Variants in FER observed in about 807,000 individuals in gnomAD.
The protein encoded by FER is tyrosine-protein kinase Fer.
In FER, 63 loss-of-function variants were observed where a neutral mutation model predicts 111.0. That is an observed-to-expected ratio of 0.57 (90% CI 0.46 to 0.70). The LOEUF (loss-of-function observed/expected upper bound fraction) is 0.70. Among genes scored for constraint, FER ranks in the 30% least tolerant of loss-of-function variants. The probability of loss-of-function intolerance (pLI) is 0.00; values close to 1 mark genes in which losing one functional copy is unlikely to be tolerated. For missense variants in FER, 914 were observed against 954.0 expected, an observed-to-expected ratio of 0.96 and a Z score of 0.55; for synonymous variants, 327 against 313.9, an observed-to-expected ratio of 1.04 and a Z score of -0.44.
chr5:108,898,226 T>G (rs752635863), intron 10 of FER, among the ~76,000 whole-genome samples: 19 of 152,196 alleles, frequency 1.2e-4, no homozygotes, highest in Non-Finnish European at 2.4e-4. Context: ...TATCTGAGAT[T>G]GCTGGTGTAT....
At chr5:108,826,206 C>T (rs1336384248) in intron 3 of FER, among the ~76,000 whole-genome samples, 1 of 152,130 alleles carries the variant, frequency 6.6e-6, no homozygotes, top group Non-Finnish European at 1.5e-5. Flanking sequence ...ATTCATTATT[C>T]TGTTAATATA....
intron 17 of FER, among the ~76,000 whole-genome samples, chr5:109,126,175 T>G (rs1751694684): frequency 6.6e-6 from 1 of 152,194 alleles, no homozygotes; most frequent in East Asian, 1.9e-4. Flanking sequence ...CGCTAAACAT[T>G]CACAGTGTAG....
chr5:108,763,424 T>G (rs976220437), intron 1 of FER, among the ~76,000 whole-genome samples: 12 of 152,168 alleles, frequency 7.9e-5, no homozygotes, highest in African/African-American at 2.9e-4. Context: ...ATGCAGCAGA[T>G]TTGCATCATA....
At chr5:108,796,864 C>T (rs187117685) in intron 2 of FER, among the ~76,000 whole-genome samples, 47 of 152,124 alleles carry the variant, frequency 3.1e-4, no homozygotes, top group Admixed American at 1.0e-3. Context: ...GTGCTCTACC[C>T]CACTGTGTTC....
At chr5:109,132,891 G>A (rs1439304763) in intron 17 of FER, among the ~76,000 whole-genome samples, 1 of 152,128 alleles carries the variant, frequency 6.6e-6, no homozygotes, top group African/African-American at 2.4e-5. Flanking sequence ...GAACAAATCA[G>A]GAGCAGAGAC....
At chr5:108,839,918 T>G (rs1761090476) in intron 5 of FER, among the ~76,000 whole-genome samples, 1 of 152,108 alleles carries the variant, frequency 6.6e-6, no homozygotes, top group Non-Finnish European at 1.5e-5. Flanking sequence ...AGATTCTTTA[T>G]CGGGACTGAC....
At position 109,187,565 on chromosome 5, in the gene FER, A is replaced by AACTC. The variant is rs760196966; in HGVS notation, c.2462_2465dup (p.Ter823HisfsTer20). ...AAAGAGCTCACTATCATCAAGAGAA[A>AACTC]ACTCACATAGTGACAGGATGGCGCC... On this transcript the variant is annotated frameshift_variant, in exon 20 of 20. Coordinates refer to ENST00000281092, the MANE Select transcript of FER (RefSeq NM_005246.4). LOFTEE classifies it high-confidence loss of function. 3 of 1,614,140 alleles carry AACTC rather than the reference A, an allele frequency of 1.9e-6. No homozygotes were observed. Among genetic ancestry groups the AACTC allele is most frequent in the Non-Finnish European group, 2.5e-6 (3 of 1,180,014 alleles).
intron 10 of FER, among the ~76,000 whole-genome samples, chr5:108,934,171 T>C (rs1755115241): frequency 6.6e-6 from 1 of 152,200 alleles, no homozygotes; most frequent in Non-Finnish European, 1.5e-5. Context: ...GCCCAGCGTT[T>C]GCTTGGCTTT....
intron 6 of FER, among the ~76,000 whole-genome samples, chr5:108,869,465 A>T (rs1022761109): frequency 3.3e-5 from 5 of 150,706 alleles, no homozygotes; most frequent in Non-Finnish European, 5.9e-5. Context: ...GTCTTTGCAG[A>T]TGTAATTAGT....
intron 17 of FER, among the ~76,000 whole-genome samples, chr5:109,127,858 A>G (rs771140650): frequency 1.3e-4 from 20 of 152,158 alleles, no homozygotes; most frequent in African/African-American, 1.9e-4. Context: ...CTGAAAATCA[A>G]TGTATGTGTT....
intron 17 of FER, among the ~76,000 whole-genome samples, chr5:109,158,937 A>G (rs565166451): frequency 6.6e-5 from 10 of 152,206 alleles, no homozygotes; most frequent in Non-Finnish European, 1.5e-4. Context: ...TAAAATAATT[A>G]TTAAAATAAT....
chr5:109,111,009 C>A (rs1749547065), intron 17 of FER, among the ~76,000 whole-genome samples: 1 of 152,032 alleles, frequency 6.6e-6, no homozygotes, highest in Admixed American at 6.6e-5. Flanking sequence ...AAATGAAGAC[C>A]TTGAAATTAA....
At chr5:108,896,505 G>GT (rs1749117672) in intron 9 of FER, among the ~76,000 whole-genome samples, 2 of 152,016 alleles carry the variant, frequency 1.3e-5, no homozygotes, top group African/African-American at 4.8e-5. Flanking sequence ...ATATTACTAG[G>GT]TCTCTCACAA....
chr5:109,134,280 A>G (rs1290655506), intron 17 of FER, among the ~76,000 whole-genome samples: 1 of 152,200 alleles, frequency 6.6e-6, no homozygotes. Flanking sequence ...AACTAAACAC[A>G]GAACAGGAAA....
chr5:108,835,995 CTCAAAGTA>C (rs1422277390), intron 5 of FER, 188 bp downstream of exon 5: 1 of 344,634 alleles, frequency 2.9e-6, no homozygotes, highest in African/African-American at 2.2e-5. Flanking sequence ...CTTTAAATGA[CTCAAAGTA>C]TTTTCGAATA....
chr5:108,800,580 T>C (rs1460299093), intron 3 of FER, among the ~76,000 whole-genome samples: 1 of 152,132 alleles, frequency 6.6e-6, no homozygotes, highest in Non-Finnish European at 1.5e-5. Flanking sequence ...CTTGACCTTC[T>C]GGGCTCAAGC....
chr5:109,166,813 C>T (rs1756604977), intron 17 of FER, among the ~76,000 whole-genome samples: 1 of 152,116 alleles, frequency 6.6e-6, no homozygotes, highest in African/African-American at 2.4e-5. Flanking sequence ...CCCTCTCATT[C>T]GACATGGTTT....
chr5:109,054,022 T>C (rs1197645340), intron 16 of FER, among the ~76,000 whole-genome samples: 1 of 152,126 alleles, frequency 6.6e-6, no homozygotes, highest in Non-Finnish European at 1.5e-5. Context: ...TACTGCAGTT[T>C]ATCCATTCAA....
chr5:108,918,636 G>A (rs1047045815), intron 10 of FER, among the ~76,000 whole-genome samples: 16 of 151,738 alleles, frequency 1.1e-4, no homozygotes, highest in Non-Finnish European at 2.1e-4. Flanking sequence ...ACAGGCCCCC[G>A]CCACCACGCC....
Sources: gnomAD v4.1 joint callset for allele counts (sites outside exome capture counted in the v4.1 genomes callset) on GRCh38, gnomAD v4.1.1 for gene constraint, MANE v1.5 for transcripts, NCBI Gene and HGNC (gene_info 2026-07-23, HGNC 2026-07-21) for gene names.